TIMM23: variants seen among roughly 807,000 people sequenced by gnomAD.
The protein encoded by TIMM23 is mitochondrial import inner membrane translocase subunit Tim23.
TIMM23 carries 19 observed loss-of-function variants against 30.7 expected under a neutral mutation model. The observed-to-expected ratio is 0.62, with a 90% CI of 0.43 to 0.91. The LOEUF (loss-of-function observed/expected upper bound fraction) is 0.91, where lower values mean the gene tolerates loss of function less well. Ranked by LOEUF, TIMM23 falls within the 40% of genes least tolerant of loss-of-function variation. TIMM23 has a pLI of 0.00. For missense variants in TIMM23, 202 were observed against 269.2 expected, an observed-to-expected ratio of 0.75 and a Z score of 1.75; for synonymous variants, 78 against 98.5, an observed-to-expected ratio of 0.79 and a Z score of 1.23.
intron 1 of TIMM23, among the ~76,000 whole-genome samples, chr10:45,974,846 G>A (rs1837617106): frequency 1.3e-5 from 2 of 152,100 alleles, no homozygotes; most frequent in South Asian, 4.2e-4. Flanking sequence ...AGGATCCAAA[G>A]ATGATAGGTT....
intron 6 of TIMM23, among the ~76,000 whole-genome samples, chr10:46,000,487 T>C (rs1262716723): frequency 6.6e-6 from 1 of 152,226 alleles, no homozygotes; most frequent in Non-Finnish European, 1.5e-5. Flanking sequence ...TCCAAAGTGC[T>C]GGGATTACAA....
At chr10:45,975,554 T>G (rs782601403) in intron 2 of TIMM23, 42 bp downstream of exon 2, 1 of 1,610,244 alleles carries the variant, frequency 6.2e-7, no homozygotes, top group Non-Finnish European at 8.5e-7. Flanking sequence ...TATTTTACCA[T>G]TTTAAAAAAA....
chr10:45,983,992 C>T lies in TIMM23; in HGVS notation c.344+1062C>T, dbSNP rs1233036614. Among the ~76,000 whole-genome samples, 723 of 152,292 alleles carry T rather than the reference C, an allele frequency of 4.7e-3. 5 individuals are homozygous for T. Among genetic ancestry groups the T allele is most frequent in the East Asian group, 0.019 (98 of 5,188 alleles). ...CTCCTGAGCTCAGGTGATCCTCTTG[C>T]CTCAGCCTTCCAAACTGCTGGGATT... On this transcript the variant is annotated intron_variant, in intron 4 of 6. Transcript: ENST00000580018.
intron 1 of TIMM23, among the ~76,000 whole-genome samples, chr10:45,972,995 C>T (rs1837541388): frequency 6.6e-6 from 1 of 152,128 alleles, no homozygotes; most frequent in South Asian, 2.1e-4. Context: ...TATATCCAAG[C>T]CTCCTACGTT....
chr10:45,972,766 T>C (rs782146473), intron 1 of TIMM23, 36 bp downstream of exon 1: 5 of 1,611,576 alleles, frequency 3.1e-6, no homozygotes, highest in Non-Finnish European at 4.2e-6. Context: ...TATTTCTGAC[T>C]GGTTTTTGCG....
At chr10:45,996,738 C>T (rs1430836371) in intron 6 of TIMM23, among the ~76,000 whole-genome samples, 6 of 152,168 alleles carry the variant, frequency 3.9e-5, no homozygotes, top group African/African-American at 1.2e-4. Flanking sequence ...ATAATCCCAG[C>T]ACTTTGGGAA....
intron 6 of TIMM23, among the ~76,000 whole-genome samples, chr10:45,997,423 A>G (rs1347007544): frequency 6.6e-6 from 1 of 152,204 alleles, no homozygotes; most frequent in Non-Finnish European, 1.5e-5. Context: ...TCATACAGAA[A>G]AAAAGTAGAA....
chr10:45,974,120 T>C (rs1474975385), intron 1 of TIMM23, among the ~76,000 whole-genome samples: 1 of 151,650 alleles, frequency 6.6e-6, no homozygotes, highest in African/African-American at 2.4e-5. Context: ...TACAGTGTGC[T>C]AGCTACTTTT....
rs1338288504 is a variant in TIMM23, at chr10:45,985,511, C to A, written c.403+70C>A. 8.1e-4 allele frequency: 1,273 copies of A among 1,568,486 alleles called. 15 individuals are homozygous for A. In the African/African-American group the frequency reaches 0.016, roughly 19 times the overall value. On this transcript the variant is annotated intron_variant, in intron 5 of 6. Coordinates refer to ENST00000580018, the MANE Select transcript of TIMM23 (RefSeq NM_006327.4). ...GCACAAATATCATGAACAATTTGAT[C>A]AACCCATATTCTGGTCCTAGGATAT...
Position 45,985,036 on chromosome 10 carries a change from A to G in TIMM23, c.345-347A>G, listed in dbSNP as rs1401956972. On this transcript the variant is annotated intron_variant, in intron 4 of 6. Coordinates refer to ENST00000580018, the MANE Select transcript of TIMM23 (RefSeq NM_006327.4). ...TTTTTACATAGATTAGTTTCTGTAA[A>G]CCTCTGTAAGATACATTCCAGGCTG... is the stretch of plus-strand genomic sequence containing the variant. Among the ~76,000 whole-genome samples, 30 of 152,014 alleles carry G rather than the reference A, an allele frequency of 2.0e-4. 1 individual carries two copies. In the East Asian group the frequency reaches 5.8e-3, roughly 29 times the overall value.
At chr10:45,982,778 T>C (rs1425153676) in intron 3 of TIMM23, 68 bp from the exon 4 acceptor site, 250 of 1,608,992 alleles carry the variant, frequency 1.6e-4, no homozygotes, top group Middle Eastern at 9.9e-4. Context: ...AGTGTAGTTA[T>C]GCAGATTTGA....
chr10:45,977,480 A>C (rs1837708939), intron 2 of TIMM23, among the ~76,000 whole-genome samples: 1 of 152,228 alleles, frequency 6.6e-6, no homozygotes, highest in African/African-American at 2.4e-5. Flanking sequence ...ACGTTAGGAC[A>C]ACTGGAATCC....
rs1434762947 is a variant in TIMM23 at position 45,982,763 on chromosome 10, T to C, written c.260-83T>C. 3 of 1,591,712 alleles carry C rather than the reference T, an allele frequency of 1.9e-6. No homozygotes were observed. The Admixed American group carries it at 5.2e-5, about 28-fold the overall frequency. The stretch of plus-strand genomic sequence containing the variant: ...TCTATTAAATAAAAATGAAAAAGAA[T>C]CAGAAGTGTAGTTATGCAGATTTGA... On this transcript the variant is annotated intron_variant, in intron 3 of 6. Coordinates refer to ENST00000580018, the MANE Select transcript of TIMM23 (RefSeq NM_006327.4).
Position 45,982,979 on chromosome 10 carries a change from C to T in TIMM23, c.344+49C>T, listed in dbSNP as rs1203886609. The T allele has an allele frequency of 2.2e-5, 36 of 1,612,312 alleles. No individual in the cohort carries two copies. In the East Asian group the frequency reaches 5.8e-4, roughly 26 times the overall value. ...TGTAGTGATACTTGAATATTAAGCT[C>T]TGTTGTATTGGTTTGATGAGTACAA... On this transcript the variant is annotated intron_variant, in intron 4 of 6. Transcript: ENST00000580018.
chr10:45,972,537 G>T lies in TIMM23; in HGVS notation c.-88G>T, dbSNP rs1837519763. ...TGTGAAGTAGGCGCTGGCAACGCGG[G>T]GTTACCCGCTGTTATTGAGGAGTAA... On this transcript the variant is annotated 5_prime_UTR_variant, in exon 1 of 7. Coordinates refer to ENST00000580018, the MANE Select transcript of TIMM23 (RefSeq NM_006327.4). 1.3e-6 allele frequency: 2 copies of T among 1,504,980 alleles called. No homozygotes were observed. Among genetic ancestry groups the T allele is most frequent in the East Asian group, 2.4e-5 (1 of 41,800 alleles). 93.2% of individuals were successfully genotyped at this position (1,504,980 alleles called of 1,614,324 possible).
At chr10:45,979,598 T>C (rs1590113276) in intron 2 of TIMM23, among the ~76,000 whole-genome samples, 1 of 138,024 alleles carries the variant, frequency 7.2e-6, no homozygotes, top group African/African-American at 2.6e-5. Context: ...TGAGCCACCA[T>C]GCCTGGCCTT....
chr10:45,994,642 A>G (rs1301547759), intron 6 of TIMM23, among the ~76,000 whole-genome samples: 296 of 133,332 alleles, frequency 2.2e-3, no homozygotes, highest in Non-Finnish European at 3.5e-3. Flanking sequence ...GGGTTTCACC[A>G]TGGTGCCCAG....
At chr10:45,991,962 T>G (rs1554915845) in intron 6 of TIMM23, among the ~76,000 whole-genome samples, 1 of 151,748 alleles carries the variant, frequency 6.6e-6, no homozygotes, top group Admixed American at 6.6e-5. Context: ...CTCACTAAAA[T>G]GTTTCCTTTG....
intron 6 of TIMM23, 110 bp from the exon 7 acceptor site, chr10:46,003,093 C>G (rs7350422): frequency 7.3e-6 from 6 of 816,900 alleles, no homozygotes; most frequent in Non-Finnish European, 9.8e-6. Flanking sequence ...CTGGGATTAC[C>G]TGAGCCACCG....
Sources: allele counts gnomAD v4.1 joint callset (sites outside exome capture counted in the v4.1 genomes callset), GRCh38; gene constraint gnomAD v4.1.1; transcripts MANE v1.5; gene names NCBI Gene and HGNC (gene_info 2026-07-23, HGNC 2026-07-21).